The following IMMT variants were observed in gnomAD, a reference collection of about 807,000 sequenced individuals.
IMMT encodes the protein inner membrane mitochondrial protein.
In IMMT, 40 loss-of-function variants were observed where a neutral mutation model predicts 92.7. That is an observed-to-expected ratio of 0.43 (90% CI 0.34 to 0.56). The LOEUF (loss-of-function observed/expected upper bound fraction) is 0.56. Among genes scored for constraint, IMMT ranks in the 20% least tolerant of loss-of-function variants. The probability of loss-of-function intolerance (pLI) is 0.03; values close to 1 mark genes in which losing one functional copy is unlikely to be tolerated. For missense variants in IMMT, 831 were observed against 912.1 expected (o/e 0.91, Z 1.14); for synonymous variants, 322 against 336.1 (o/e 0.96, Z 0.46).
intron 5 of IMMT, 25 bp downstream of exon 5, chr2:86,171,183 G>C: frequency 6.4e-7 from 1 of 1,555,322 alleles, no homozygotes; most frequent in Non-Finnish European, 8.7e-7. Context: ...ATGTATAAAA[G>C]AACAAATAGA....
intron 6 of IMMT, among the ~76,000 whole-genome samples, chr2:86,168,815 T>G (rs908545078): frequency 6.6e-6 from 1 of 151,942 alleles, no homozygotes; most frequent in Non-Finnish European, 1.5e-5. Flanking sequence ...AAAAAGAAAT[T>G]GACAGAAGTG....
rs1243306021 is a variant in IMMT at position 86,156,621 on chromosome 2, C to T, written c.1162+1971G>A. Among the ~76,000 whole-genome samples, 5 of 144,172 alleles carry T rather than the reference C, an allele frequency of 3.5e-5. No individual in the cohort carries two copies. The South Asian group carries it at 8.8e-4, about 25-fold the overall frequency. 94.6% of individuals were successfully genotyped at this position (144,172 alleles called of 152,430 possible). ...AAAAAAAAAAAAAAAAAAAGTTTTG[C>T]GATAGGCACTTTCAAAAGCAGAAAA... On this transcript the variant is annotated intron_variant, in intron 10 of 14. Transcript: ENST00000410111.
intron 2 of IMMT, among the ~76,000 whole-genome samples, chr2:86,180,802 G>A (rs1383481599): frequency 1.3e-5 from 2 of 151,622 alleles, no homozygotes; most frequent in South Asian, 2.1e-4. Context: ...CAGAAAAATC[G>A]CTTGAACCTG....
Position 86,144,558 on chromosome 2 carries a change from G to C in IMMT, c.1987C>G (p.Leu663Val). The change falls in exon 15 of 15, where the codon CTA (leucine) becomes GTA (valine). Residue 663 changes from leucine (L) to valine (V), a missense_variant. Transcript: ENST00000410111. ...GGTGGGAATAGGAGCAGGGACTGTA[G>C]GTAGGAGAGGAAGTACTGGTACAAG... ...NSLYQYFLSYLQSLLLFPPQQ... is the reference protein window; with the variant it reads ...NSLYQYFLSYVQSLLLFPPQQ... 6.2e-7 allele frequency: 1 copy of C among 1,614,040 alleles called. No individual in the cohort carries two copies. Among genetic ancestry groups the C allele is most frequent in the Non-Finnish European group, 8.5e-7 (1 of 1,179,898 alleles).
chr2:86,173,617 T>A, intron 4 of IMMT, 33 bp downstream of exon 4: 1 of 1,185,010 alleles, frequency 8.4e-7, no homozygotes, highest in East Asian at 2.4e-5. Context: ...GATTTACCTA[T>A]AATTTTAAAA....
At chr2:86,176,797 TG>T (rs1218506280) in intron 3 of IMMT, among the ~76,000 whole-genome samples, 4 of 152,212 alleles carry the variant, frequency 2.6e-5, no homozygotes, top group Admixed American at 6.5e-5. Flanking sequence ...TCACATCAAC[TG>T]AGAAAAGAAC....
chr2:86,178,482 C>T (rs911183352), intron 3 of IMMT, among the ~76,000 whole-genome samples: 2 of 151,664 alleles, frequency 1.3e-5, no homozygotes, highest in Admixed American at 6.6e-5. Flanking sequence ...AAAAATTAGC[C>T]GGGTGTGGTG....
chr2:86,167,188 T>G (rs1478728747), intron 6 of IMMT, among the ~76,000 whole-genome samples: 1 of 146,246 alleles, frequency 6.8e-6, no homozygotes, highest in East Asian at 2.0e-4. Context: ...TTTTTTTTTT[T>G]TGAGACAGAG....
intron 1 of IMMT, among the ~76,000 whole-genome samples, chr2:86,191,599 A>G (rs566159994): frequency 2.2e-4 from 34 of 152,238 alleles, no homozygotes; most frequent in African/African-American, 7.9e-4. Flanking sequence ...CTGTGTGAGT[A>G]GAGTCCTTAC....
intron 6 of IMMT, 115 bp from the exon 7 acceptor site, chr2:86,166,759 A>G (rs1374584472): frequency 1.0e-6 from 1 of 995,006 alleles, no homozygotes; most frequent in Non-Finnish European, 1.4e-6. Flanking sequence ...TTTAAAAAGG[A>G]ACAAAATACA....
At chr2:86,189,787 T>TC (rs1305216531) in intron 1 of IMMT, among the ~76,000 whole-genome samples, 3 of 152,234 alleles carry the variant, frequency 2.0e-5, no homozygotes, top group African/African-American at 7.2e-5. Flanking sequence ...ATTAACTTTT[T>TC]CTACTGTTAA....
chr2:86,191,960 T>C (rs1252436423), intron 1 of IMMT, among the ~76,000 whole-genome samples: 1 of 146,756 alleles, frequency 6.8e-6, no homozygotes, highest in African/African-American at 2.5e-5. Flanking sequence ...GGCTGGGCAC[T>C]ATGGCTCACG....
At chr2:86,174,074 G>A (rs1677273659) in intron 3 of IMMT, among the ~76,000 whole-genome samples, 1 of 152,192 alleles carries the variant, frequency 6.6e-6, no homozygotes. Flanking sequence ...ACAGTATTAA[G>A]AAGACTATTA....
intron 12 of IMMT, among the ~76,000 whole-genome samples, chr2:86,150,323 T>TA (rs1358758274): frequency 6.6e-6 from 1 of 152,056 alleles, no homozygotes; most frequent in Non-Finnish European, 1.5e-5. Context: ...CAAGAACACT[T>TA]AGAGACAGTT....
At chr2:86,186,683 A>C (rs1210290502) in intron 1 of IMMT, among the ~76,000 whole-genome samples, 1 of 152,226 alleles carries the variant, frequency 6.6e-6, no homozygotes, top group Admixed American at 6.5e-5. Flanking sequence ...AGAGTAAAGA[A>C]GACTTGGGGA....
At chr2:86,188,124 T>C (rs1672896415) in intron 1 of IMMT, among the ~76,000 whole-genome samples, 1 of 151,706 alleles carries the variant, frequency 6.6e-6, no homozygotes, top group Non-Finnish European at 1.5e-5. Context: ...CCTGCAACCT[T>C]CGCCTCCCGG....
chr2:86,191,818 G>C (rs563829873), intron 1 of IMMT, among the ~76,000 whole-genome samples: 182 of 152,054 alleles, frequency 1.2e-3, no homozygotes, highest in African/African-American at 3.9e-3. Context: ...GGGAGGCTGA[G>C]GCAGGAGAAT....
chr2:86,173,563 A>G, intron 4 of IMMT, 87 bp downstream of exon 4: 3 of 783,808 alleles, frequency 3.8e-6, no homozygotes, highest in Admixed American at 2.3e-5. Context: ...CTAGGCAACA[A>G]GAGCGAAACT....
At chr2:86,151,573 A>T (rs1054304046) in intron 11 of IMMT, 53 bp from the exon 12 acceptor site, 3 of 1,279,562 alleles carry the variant, frequency 2.3e-6, no homozygotes, top group Non-Finnish European at 2.3e-6. Flanking sequence ...ATTATACCTC[A>T]TTACAAGGTA....
Sources: gnomAD v4.1 joint callset for allele counts (sites outside exome capture counted in the v4.1 genomes callset) on GRCh38, gnomAD v4.1.1 for gene constraint, MANE v1.5 for transcripts, NCBI Gene and HGNC (gene_info 2026-07-23, HGNC 2026-07-21) for gene names.